EMILIN2: variants seen among roughly 807,000 people sequenced by gnomAD.
EMILIN2 encodes the protein EMILIN-2.
Under a neutral mutation model 87.1 loss-of-function variants are expected in EMILIN2, and 71 were observed. The ratio of observed to expected loss-of-function variants is 0.82; its 90% CI spans 0.67 to 0.99. The LOEUF (loss-of-function observed/expected upper bound fraction) is 0.99. Among genes scored for constraint, EMILIN2 ranks in the 50% least tolerant of loss-of-function variants. EMILIN2 has a pLI of 0.00. For missense variants in EMILIN2, 1,407 were observed against 1,371.8 expected (o/e 1.03, Z -0.40); for synonymous variants, 581 against 563.4 (o/e 1.03, Z -0.44).
intron 2 of EMILIN2, among the ~76,000 whole-genome samples, chr18:2,868,141 A>T (rs1337449275): frequency 6.7e-6 from 1 of 150,340 alleles, no homozygotes; most frequent in Non-Finnish European, 1.5e-5. Flanking sequence ...TGCCAGGCAG[A>T]GGGTCTCCTC....
At chr18:2,876,726 A>C (rs538161148) in intron 2 of EMILIN2, among the ~76,000 whole-genome samples, 275 of 152,230 alleles carry the variant, frequency 1.8e-3, no homozygotes, top group African/African-American at 6.5e-3. Flanking sequence ...AGATAGTGCC[A>C]CTGCACTCCA....
At chr18:2,868,641 C>T (rs148776301) in intron 2 of EMILIN2, among the ~76,000 whole-genome samples, 2,591 of 152,348 alleles carry the variant, frequency 0.017, 58 homozygotes, top group African/African-American at 0.058. Flanking sequence ...CAAAAAAATA[C>T]GAAAACCAGT....
chr18:2,857,260 A>G (rs908494358), intron 2 of EMILIN2, among the ~76,000 whole-genome samples: 6 of 152,040 alleles, frequency 3.9e-5, no homozygotes, highest in African/African-American at 1.5e-4. Context: ...GAATTTGCTG[A>G]GACTTTGCAG....
At chr18:2,897,939 T>C (rs975530683) in intron 4 of EMILIN2, among the ~76,000 whole-genome samples, 1 of 152,150 alleles carries the variant, frequency 6.6e-6, no homozygotes, top group African/African-American at 2.4e-5. Flanking sequence ...TCGATAGTTT[T>C]TTTGAGCAGA....
rs1221983809 is a variant in EMILIN2 at position 2,913,322 on chromosome 18, G to A, written c.3080G>A (p.Gly1027Asp). 1.9e-6 allele frequency: 3 copies of A among 1,612,926 alleles called. No homozygotes were observed. The highest frequency in any genetic ancestry group is 1.1e-5 in the South Asian group (1 of 90,944). Residue 1027 changes from glycine (G) to aspartate (D), a missense_variant, in exon 8 of 8, where the codon GGC becomes GAC. Transcript: ENST00000254528. ...GDAVNVVVTG[G>D]KLAHTDFDEM... is the part of the protein sequence containing the mutation. Reference sequence around the variant, plus strand: ...GCAGTCAACGTCGTGGTGACTGGGGGCAAGCTGGCTCACACAGACTTTGAT... The same window carrying A: ...GCAGTCAACGTCGTGGTGACTGGGGACAAGCTGGCTCACACAGACTTTGAT...
rs1354017425 is a variant in EMILIN2, at chr18:2,891,733, A to G, written c.1606A>G (p.Met536Val). 3 of 1,614,216 alleles carry G rather than the reference A, an allele frequency of 1.9e-6. No homozygotes were observed. The highest frequency in any genetic ancestry group is 2.5e-6 in the Non-Finnish European group (3 of 1,180,038). Residue 536 changes from methionine to valine, a missense_variant, in exon 4 of 8, where the codon ATG (methionine) becomes GTG (valine). By Grantham distance (21) the Met-to-Val change is conservative (BLOSUM62 1). Transcript: ENST00000254528. The surrounding 1 kb of genome is among the most constrained non-coding windows in gnomAD (Gnocchi z 4.6). ...GVSGSGDERVMMELNHLKDKV... is the reference protein window; with the variant it reads ...GVSGSGDERVVMELNHLKDKV... ...GTCAGGGTCAGGAGATGAACGGGTCATGATGGAATTAAACCACCTGAAGGA... is the reference window on the plus strand; with the variant it reads ...GTCAGGGTCAGGAGATGAACGGGTCGTGATGGAATTAAACCACCTGAAGGA...
At chr18:2,868,640 A>T (rs1449863066) in intron 2 of EMILIN2, among the ~76,000 whole-genome samples, 1 of 152,260 alleles carries the variant, frequency 6.6e-6, no homozygotes, top group South Asian at 2.1e-4. Context: ...CCAAAAAAAT[A>T]CGAAAACCAG....
In EMILIN2 at chr18:2,906,849, C is replaced by G; in HGVS notation, c.2426C>G (p.Pro809Arg). Residue 809 changes from proline to arginine, a missense_variant, in exon 5 of 8, where the codon CCG becomes CGG. Coordinates refer to ENST00000254528, the MANE Select transcript of EMILIN2 (RefSeq NM_032048.3). ...CCGCTGCAGCCCGAGCCCGCCCCGC[C>G]GAGGCCCAGCGGCCCCGCAACCGCA... Reference protein sequence around the residue: ...KEPLQPEPAPPRPSGPATAED... With the variant: ...KEPLQPEPAPRRPSGPATAED... 7.4e-7 allele frequency: 1 copy of G among 1,350,052 alleles called. No homozygotes were observed. The highest frequency in any genetic ancestry group is 2.8e-4 in the Middle Eastern group (1 of 3,626). 83.6% of individuals were successfully genotyped at this position (1,350,052 alleles called of 1,614,324 possible).
chr18:2,857,278 C>G (rs1424879874), intron 2 of EMILIN2, among the ~76,000 whole-genome samples: 1 of 152,170 alleles, frequency 6.6e-6, no homozygotes, highest in Non-Finnish European at 1.5e-5. Flanking sequence ...CAGCTTTTCC[C>G]CAACTTTTCC....
Position 2,847,171 on chromosome 18 carries a change from G to A in EMILIN2, c.-18G>A. The A allele has an allele frequency of 9.2e-7, 1 of 1,092,018 alleles. No individual in the cohort carries two copies. Among genetic ancestry groups the A allele is most frequent in the Non-Finnish European group, 1.1e-6 (1 of 903,130 alleles). The allele number at this position is 1,092,018 out of a possible 1,614,324, so 67.6% of individuals were successfully genotyped here. ...CGCTCCGGACCCGGGCAGGCGGGGC[G>A]CGCCCGCTGCGCGCGGGATGTGGCA... is the stretch of plus-strand genomic sequence containing the variant. On this transcript the variant is annotated 5_prime_UTR_variant, in exon 1 of 8. Transcript: ENST00000254528. The surrounding 1 kb of genome is among the most constrained non-coding windows in gnomAD (Gnocchi z 4.5).
At chr18:2,911,162 G>C (rs1215685589) in intron 7 of EMILIN2, among the ~76,000 whole-genome samples, 2 of 152,250 alleles carry the variant, frequency 1.3e-5, no homozygotes, top group East Asian at 3.8e-4. Flanking sequence ...CGACTTGAGA[G>C]ATTCAAGTGC....
In EMILIN2 at chr18:2,909,698, G is replaced by A. The variant is rs147900182; in HGVS notation, c.2703G>A (p.Pro901=). The A allele has an allele frequency of 5.1e-4, 827 of 1,613,926 alleles. 3 individuals are homozygous for A. The highest frequency in any genetic ancestry group is 6.0e-4 in the South Asian group (55 of 91,080). The change falls in exon 7 of 8, where the codon CCG becomes CCA. Residue 901 remains proline (P), a synonymous_variant. Coordinates refer to ENST00000254528, the MANE Select transcript of EMILIN2 (RefSeq NM_032048.3). ...KSPPVASPGA[P]VPSLVSFSAG... is the part of the protein sequence containing the mutation. ...ATCCTTTCTCTGCTCCAGGAGCTCCGGTGCCTTCTCTGGTGTCTTTTTCTG... is the reference window on the plus strand; with the variant it reads ...ATCCTTTCTCTGCTCCAGGAGCTCCAGTGCCTTCTCTGGTGTCTTTTTCTG...
At chr18:2,899,794 G>T (rs144630827) in intron 4 of EMILIN2, among the ~76,000 whole-genome samples, 3 of 152,144 alleles carry the variant, frequency 2.0e-5, no homozygotes, top group Non-Finnish European at 4.4e-5. Flanking sequence ...GTGAGCCACC[G>T]CGCGCGGCCC....
At chr18:2,913,038 G>A in intron 7 of EMILIN2, 29 bp from the exon 8 acceptor site, 1 of 1,602,352 alleles carries the variant, frequency 6.2e-7, no homozygotes, top group Non-Finnish European at 8.5e-7. Context: ...GACAGCAGGT[G>A]AGCACAGGGT....
At chr18:2,861,409 A>T (rs951943032) in intron 2 of EMILIN2, among the ~76,000 whole-genome samples, 23 of 152,178 alleles carry the variant, frequency 1.5e-4, no homozygotes, top group Non-Finnish European at 3.1e-4. Flanking sequence ...TAATTTTTGT[A>T]TAAGGTGTAA....
At chr18:2,895,969 A>G (rs1009766398) in intron 4 of EMILIN2, among the ~76,000 whole-genome samples, 4 of 152,060 alleles carry the variant, frequency 2.6e-5, no homozygotes, top group African/African-American at 9.7e-5. Flanking sequence ...TGGTGTTTCT[A>G]CTCAGCCTGT....
chr18:2,889,148 T>TTTA (rs1471302678), intron 3 of EMILIN2, among the ~76,000 whole-genome samples: 1 of 140,990 alleles, frequency 7.1e-6, no homozygotes, highest in Admixed American at 7.1e-5. Flanking sequence ...TTTTTTTTTT[T>TTTA]TTTTTTTGAG....
rs551905129 is a variant in EMILIN2, at chr18:2,880,112, C to A, written c.258-4852C>A. Among the ~76,000 whole-genome samples, 1 of 152,266 alleles carries A rather than the reference C, an allele frequency of 6.6e-6. No individual in the cohort carries two copies. The highest frequency in any genetic ancestry group is 2.4e-5 in the African/African-American group (1 of 41,546). On this transcript the variant is annotated intron_variant, in intron 2 of 7. Coordinates refer to ENST00000254528, the MANE Select transcript of EMILIN2 (RefSeq NM_032048.3). This position sits in a 1 kb window ranked among gnomAD's most constrained non-coding sequence, Gnocchi z 4.1. ...GCAGGGAGGACAAACACGGAGTAAGCAAACACAAGTGTGAACTGAGGCGTG... is the reference window on the plus strand; with the variant it reads ...GCAGGGAGGACAAACACGGAGTAAGAAAACACAAGTGTGAACTGAGGCGTG...
rs775028474 is a variant in EMILIN2, at chr18:2,847,911, G to A, written c.237G>A (p.Met79Ile). 4.3e-6 allele frequency: 7 copies of A among 1,611,944 alleles called. No individual in the cohort carries two copies. The South Asian group carries it at 6.6e-5, about 15-fold the overall frequency. ...QAQYNCAWNQ[M>I]PCPSALVYRV... ...AGTACAACTGTGCCTGGAACCAGAT[G>A]CCCTGTCCGTCGGCGCTGGTGTAAG... The change falls in exon 2 of 8, where the codon ATG becomes ATA. Residue 79 changes from methionine to isoleucine, a missense_variant. Met to Ile is a conservative substitution (Grantham distance 10). Coordinates refer to ENST00000254528, the MANE Select transcript of EMILIN2 (RefSeq NM_032048.3). This position sits in a 1 kb window ranked among gnomAD's most constrained non-coding sequence, Gnocchi z 4.5.
Sources: allele counts gnomAD v4.1 joint callset (sites outside exome capture counted in the v4.1 genomes callset), GRCh38; gene constraint gnomAD v4.1.1; non-coding constraint Gnocchi (gnomAD v3.1); transcripts MANE v1.5; gene names NCBI Gene and HGNC (gene_info 2026-07-23, HGNC 2026-07-21).